The following ABHD18 variants were observed in gnomAD, a reference collection of about 807,000 sequenced individuals.
ABHD18 encodes the protein abhydrolase domain containing 18.
A neutral mutation model predicts 65.9 loss-of-function variants in ABHD18; 55 were observed. That is an observed-to-expected ratio of 0.84 (90% CI 0.67 to 1.05). ABHD18 has a LOEUF of 1.05. Among genes scored for constraint, ABHD18 ranks in the 50% least tolerant of loss-of-function variants. The pLI, the probability that ABHD18 is intolerant of heterozygous loss-of-function variation, is 0.00. For missense variants in ABHD18, 533 were observed against 558.5 expected, an observed-to-expected ratio of 0.95 and a Z score of 0.46; for synonymous variants, 181 against 180.2, an observed-to-expected ratio of 1.00 and a Z score of -0.04.
At chr4:127,987,240 T>C (rs1207098648) in intron 3 of ABHD18, among the ~76,000 whole-genome samples, 2 of 151,850 alleles carry the variant, frequency 1.3e-5, no homozygotes, top group African/African-American at 4.8e-5. Context: ...TAATCCCAGC[T>C]ACTTGGGAGG....
At chr4:127,973,561 G>A (rs1356576774) in intron 1 of ABHD18, among the ~76,000 whole-genome samples, 2 of 152,016 alleles carry the variant, frequency 1.3e-5, no homozygotes, top group African/African-American at 2.4e-5. Context: ...ATATTTTTGT[G>A]TGATCCCCTT....
rs143112236 is a variant in ABHD18 at position 128,020,624 on chromosome 4, A to G, written c.699+455A>G. 6.9e-3 allele frequency among the ~76,000 whole-genome samples: 1,051 copies of G among 152,314 alleles called. 9 individuals are homozygous for G. Among genetic ancestry groups the G allele is most frequent in the Admixed American group, 0.011 (172 of 15,274 alleles). On this transcript the variant is annotated intron_variant, in intron 9 of 12. Transcript: ENST00000645843. ...ACCGCATTGTTTATATAAGCAGTTTAGGTACAGTGACCCACTCTTATCATT... is the reference window on the plus strand; with the variant it reads ...ACCGCATTGTTTATATAAGCAGTTTGGGTACAGTGACCCACTCTTATCATT...
intron 7 of ABHD18, among the ~76,000 whole-genome samples, chr4:128,015,484 G>A (rs1375326955): frequency 3.9e-5 from 6 of 152,096 alleles, no homozygotes; most frequent in Admixed American, 3.3e-4. Flanking sequence ...AGAAAAAGTT[G>A]GGGAAATTGT....
At chr4:128,030,084 G>A (rs1757989334) in intron 11 of ABHD18, among the ~76,000 whole-genome samples, 1 of 152,188 alleles carries the variant, frequency 6.6e-6, no homozygotes, top group Non-Finnish European at 1.5e-5. Flanking sequence ...GAGCCCAGGA[G>A]TTCAAGGCTG....
chr4:127,982,778 C>G lies in ABHD18; in HGVS notation c.-17-161C>G, dbSNP rs138333955. ...GTGTACATCTTCTCTATTTTCAACT[C>G]AGCTCTTTTTTTTCCCCCAAATCTT... On this transcript the variant is annotated intron_variant, in intron 1 of 12. Coordinates refer to ENST00000645843, the MANE Select transcript of ABHD18 (RefSeq NM_001358451.3). Among the ~76,000 whole-genome samples, 134 of 152,272 alleles carry G rather than the reference C, an allele frequency of 8.8e-4. 2 individuals are homozygous for G. Among genetic ancestry groups the G allele is most frequent in the African/African-American group, 3.0e-3 (124 of 41,560 alleles).
At chr4:127,993,379 G>A (rs935359965) in intron 4 of ABHD18, among the ~76,000 whole-genome samples, 1 of 152,118 alleles carries the variant, frequency 6.6e-6, no homozygotes, top group South Asian at 2.1e-4. Flanking sequence ...TTGACTTCCT[G>A]TCTCTGCAGT....
At chr4:128,033,959 CTTTT>C (rs996416880) in intron 12 of ABHD18, among the ~76,000 whole-genome samples, 1 of 123,430 alleles carries the variant, frequency 8.1e-6, no homozygotes, top group Non-Finnish European at 1.7e-5. Context: ...TTTCTTTTTT[CTTTT>C]TTTTTTTTTT....
chr4:127,989,825 A>G lies in ABHD18; in HGVS notation c.278+4A>G, dbSNP rs764687597. ...CAATTGAATCTGTTATTGCAAGGTA[A>G]GAATTTTTTTGTTCAAAAAGATGAA... On this transcript the variant is annotated splice_donor_region_variant and intron_variant, in intron 4 of 12. Transcript: ENST00000645843. 34 of 1,537,824 alleles carry G rather than the reference A, an allele frequency of 2.2e-5. No individual in the cohort carries two copies. Among genetic ancestry groups the G allele is most frequent in the Non-Finnish European group, 3.0e-5 (34 of 1,139,842 alleles).
At chr4:127,982,851 A>G (rs1749296189) in intron 1 of ABHD18, 88 bp from the exon 2 acceptor site, 4 of 644,044 alleles carry the variant, frequency 6.2e-6, no homozygotes, top group African/African-American at 1.9e-5. Context: ...TTAATTTTAC[A>G]TGATAGTCAA....
At chr4:127,976,998 G>A (rs1205726064) in intron 1 of ABHD18, among the ~76,000 whole-genome samples, 1 of 151,920 alleles carries the variant, frequency 6.6e-6, no homozygotes, top group East Asian at 1.9e-4. Context: ...CCAAGATCGT[G>A]CTACTGCACT....
chr4:127,987,145 A>G (rs1204713699), intron 3 of ABHD18, among the ~76,000 whole-genome samples: 1 of 152,088 alleles, frequency 6.6e-6, no homozygotes, highest in African/African-American at 2.4e-5. Context: ...TGAGGTCAGG[A>G]GTTCGAGACC....
chr4:127,984,128 A>AT (rs765329494), intron 2 of ABHD18, among the ~76,000 whole-genome samples: 1 of 152,150 alleles, frequency 6.6e-6, no homozygotes, highest in Non-Finnish European at 1.5e-5. Flanking sequence ...TTTCTGAACA[A>AT]TCTATTGTTT....
intron 7 of ABHD18, among the ~76,000 whole-genome samples, chr4:128,014,697 A>T (rs1755178613): frequency 6.6e-6 from 1 of 151,826 alleles, no homozygotes; most frequent in African/African-American, 2.4e-5. Context: ...GAAGGCTGAG[A>T]TGGACAGATT....
chr4:128,006,656 T>C (rs1014066000), intron 4 of ABHD18, among the ~76,000 whole-genome samples: 1 of 152,176 alleles, frequency 6.6e-6, no homozygotes, highest in Non-Finnish European at 1.5e-5. Flanking sequence ...ATGATAGTAG[T>C]TCTAAAATAC....
At chr4:127,970,675 C>T (rs1369756007) in intron 1 of ABHD18, among the ~76,000 whole-genome samples, 1 of 151,582 alleles carries the variant, frequency 6.6e-6, no homozygotes, top group African/African-American at 2.4e-5. Context: ...GGTGCAGTTG[C>T]TCATGCCTGT....
At chr4:127,970,964 A>G (rs1173569578) in intron 1 of ABHD18, among the ~76,000 whole-genome samples, 1 of 151,912 alleles carries the variant, frequency 6.6e-6, no homozygotes, top group Non-Finnish European at 1.5e-5. Context: ...AATCCCAGCT[A>G]CTTGGAAGGC....
intron 1 of ABHD18, among the ~76,000 whole-genome samples, chr4:127,972,091 T>C (rs1289774256): frequency 6.6e-6 from 1 of 152,156 alleles, no homozygotes; most frequent in Non-Finnish European, 1.5e-5. Flanking sequence ...GATTATAGGT[T>C]ATTATAAAGG....
At chr4:128,022,506 C>G (rs1027043047) in intron 10 of ABHD18, among the ~76,000 whole-genome samples, 1 of 152,064 alleles carries the variant, frequency 6.6e-6, no homozygotes, top group Non-Finnish European at 1.5e-5. Flanking sequence ...CTGATTATCT[C>G]TTTTTTTATG....
At position 128,026,530 on chromosome 4, in the gene ABHD18, G is replaced by T. The variant is rs573097350; in HGVS notation, c.802-1945G>T. On this transcript the variant is annotated intron_variant, in intron 10 of 12. Transcript: ENST00000645843. ...TTATGTGTATATCCTTTGCTCATTT[G>T]GGGGTTCTGGGCTTTCAAAAAAATT... Among the ~76,000 whole-genome samples, 7 of 151,230 alleles carry T rather than the reference G, an allele frequency of 4.6e-5. No homozygotes were observed. In the East Asian group the frequency reaches 1.2e-3, roughly 25 times the overall value.
Sources: gnomAD v4.1 joint callset for allele counts (sites outside exome capture counted in the v4.1 genomes callset) on GRCh38, gnomAD v4.1.1 for gene constraint, MANE v1.5 for transcripts, NCBI Gene and HGNC (gene_info 2026-07-23, HGNC 2026-07-21) for gene names.